The following COL14A1 variants were observed in gnomAD, a reference collection of about 807,000 sequenced individuals.
COL14A1 encodes the protein collagen type XIV alpha 1 chain, also known as collagen alpha-1(XIV) chain.
In COL14A1, 136 loss-of-function variants were observed where a neutral mutation model predicts 230.3. The observed-to-expected ratio is 0.59, with a 90% CI of 0.51 to 0.68. The LOEUF is 0.68. Among genes scored for constraint, COL14A1 ranks in the 30% least tolerant of loss-of-function variants. The pLI, the probability that COL14A1 is intolerant of heterozygous loss-of-function variation, is 0.00. For missense variants in COL14A1, 1,976 were observed against 2,215.8 expected, an observed-to-expected ratio of 0.89 and a Z score of 2.17; for synonymous variants, 792 against 784.1, an observed-to-expected ratio of 1.01 and a Z score of -0.17.
At chr8:120,315,231 G>A (rs921490266) in intron 38 of COL14A1, among the ~76,000 whole-genome samples, 1 of 151,990 alleles carries the variant, frequency 6.6e-6, no homozygotes, top group Non-Finnish European at 1.5e-5. Flanking sequence ...TTAGCTGGGT[G>A]TGGTGGCAGG....
intron 45 of COL14A1, among the ~76,000 whole-genome samples, chr8:120,347,173 G>A (rs540331633): frequency 6.6e-5 from 10 of 152,208 alleles, no homozygotes; most frequent in African/African-American, 2.4e-4. Context: ...TTGCCAGACC[G>A]AGTCTCTCCT....
chr8:120,304,373 C>T (rs532544907), intron 36 of COL14A1, among the ~76,000 whole-genome samples: 10 of 151,964 alleles, frequency 6.6e-5, no homozygotes, highest in Non-Finnish European at 1.2e-4. Context: ...TTTTGATGTG[C>T]GTGTTTAGTG....
intron 4 of COL14A1, among the ~76,000 whole-genome samples, chr8:120,166,342 TTA>T (rs1815872323): frequency 6.6e-6 from 1 of 152,212 alleles, no homozygotes; most frequent in Admixed American, 6.5e-5. Context: ...TAAGTCCAAC[TTA>T]TATTTAAAAT....
At chr8:120,193,933 T>G (rs1335626527) in intron 5 of COL14A1, among the ~76,000 whole-genome samples, 3 of 152,138 alleles carry the variant, frequency 2.0e-5, no homozygotes, top group African/African-American at 4.8e-5. Context: ...AGTGACCCGG[T>G]TTTCCAGGTG....
chr8:120,272,566 A>T (rs1001199703), intron 26 of COL14A1, among the ~76,000 whole-genome samples: 2 of 151,702 alleles, frequency 1.3e-5, no homozygotes, highest in South Asian at 2.1e-4. Context: ...ACATGTAAGG[A>T]TTTGTATAAA....
chr8:120,269,243 T>C (rs1476652950), intron 25 of COL14A1, among the ~76,000 whole-genome samples: 1 of 151,788 alleles, frequency 6.6e-6, no homozygotes, highest in Non-Finnish European at 1.5e-5. Flanking sequence ...TCAGCCCTAA[T>C]GAAGAGGAGG....
chr8:120,322,887 G>A (rs962258340), intron 40 of COL14A1, among the ~76,000 whole-genome samples: 2 of 152,176 alleles, frequency 1.3e-5, no homozygotes, highest in African/African-American at 4.8e-5. Context: ...CTTTATAATA[G>A]AACAGTTTAT....
At chr8:120,160,316 G>A (rs1414785077) in intron 3 of COL14A1, among the ~76,000 whole-genome samples, 1 of 152,096 alleles carries the variant, frequency 6.6e-6, no homozygotes, top group African/African-American at 2.4e-5. Flanking sequence ...CCTCATGTCT[G>A]ATCTGGAAAG....
intron 45 of COL14A1, 45 bp from the exon 46 acceptor site, chr8:120,367,126 C>T (rs766775102): frequency 6.8e-7 from 1 of 1,470,850 alleles, no homozygotes; most frequent in South Asian, 1.3e-5. Context: ...CCAAGATTTT[C>T]TTTTAAAAAG....
chr8:120,269,928 G>T, intron 25 of COL14A1, 107 bp from the exon 26 acceptor site: 1 of 1,192,734 alleles, frequency 8.4e-7, no homozygotes, highest in Non-Finnish European at 1.2e-6. Flanking sequence ...TCTTTCCTTT[G>T]AAAAAGAGCT....
chr8:120,169,854 T>C (rs924176464), intron 5 of COL14A1, among the ~76,000 whole-genome samples: 8 of 152,190 alleles, frequency 5.3e-5, no homozygotes, highest in African/African-American at 1.9e-4. Context: ...AATAATGTCA[T>C]AGACATGTTT....
At chr8:120,203,893 C>T (rs759761083) in intron 9 of COL14A1, 23 bp downstream of exon 9, 6 of 1,607,966 alleles carry the variant, frequency 3.7e-6, no homozygotes, top group Middle Eastern at 1.7e-4. Flanking sequence ...ACAGAGCAGT[C>T]CTGTGGATGT....
At chr8:120,126,031 G>T (rs1172918148) in intron 1 of COL14A1, among the ~76,000 whole-genome samples, 1 of 152,172 alleles carries the variant, frequency 6.6e-6, no homozygotes, top group African/African-American at 2.4e-5. Context: ...AGGAGGTTGC[G>T]GTTTTGAGAG....
intron 34 of COL14A1, among the ~76,000 whole-genome samples, chr8:120,295,180 C>G (rs1820485838): frequency 6.6e-6 from 1 of 151,848 alleles, no homozygotes. Context: ...TTAGCTGAAT[C>G]TATCCAATGC....
chr8:120,365,300 C>A (rs933166061), intron 45 of COL14A1, among the ~76,000 whole-genome samples: 7 of 152,114 alleles, frequency 4.6e-5, no homozygotes, highest in Non-Finnish European at 1.0e-4. Flanking sequence ...TAAAGATGAT[C>A]CTGCACCGTG....
intron 1 of COL14A1, among the ~76,000 whole-genome samples, chr8:120,128,509 AG>A (rs200346151): frequency 0.014 from 2,077 of 152,232 alleles, 17 homozygotes; most frequent in South Asian, 0.028. Flanking sequence ...GCATTTTGGG[AG>A]GATCACCTGA....
intron 45 of COL14A1, among the ~76,000 whole-genome samples, chr8:120,365,415 C>G (rs1823376326): frequency 6.6e-6 from 1 of 152,142 alleles, no homozygotes; most frequent in African/African-American, 2.4e-5. Context: ...ATTAGTTGTT[C>G]CCTGTTGGCA....
chr8:120,332,661 T>C lies in COL14A1; in HGVS notation c.4714-3T>C, dbSNP rs1445450039. 2 of 1,612,594 alleles carry C rather than the reference T, an allele frequency of 1.2e-6. No individual in the cohort carries two copies. The highest frequency in any genetic ancestry group is 8.5e-7 in the Non-Finnish European group (1 of 1,179,178). ...TTGTTCCATTTTCCTACCTCTCTTCTAGGGCATTCCTGGCACCCCTGGAGT... is the reference window on the plus strand; with the variant it reads ...TTGTTCCATTTTCCTACCTCTCTTCCAGGGCATTCCTGGCACCCCTGGAGT... On this transcript the variant is annotated splice_region_variant and splice_polypyrimidine_tract_variant and intron_variant, in intron 41 of 47. Coordinates refer to ENST00000297848, the MANE Select transcript of COL14A1 (RefSeq NM_021110.4).
intron 26 of COL14A1, among the ~76,000 whole-genome samples, chr8:120,274,097 C>T (rs1021894782): frequency 6.6e-6 from 1 of 151,692 alleles, no homozygotes; most frequent in Non-Finnish European, 1.5e-5. Context: ...ACTAGCTAAA[C>T]AAATCCAACA....
Sources: gnomAD v4.1 joint callset for allele counts (sites outside exome capture counted in the v4.1 genomes callset) on GRCh38, gnomAD v4.1.1 for gene constraint, MANE v1.5 for transcripts, NCBI Gene and HGNC (gene_info 2026-07-23, HGNC 2026-07-21) for gene names.